The following ANO4 variants were observed in gnomAD, a reference collection of about 807,000 sequenced individuals.
ANO4 encodes anoctamin 4.
In ANO4, 69 loss-of-function variants were observed where a neutral mutation model predicts 141.9. That is an observed-to-expected ratio of 0.49 (90% CI 0.40 to 0.59). ANO4 has a LOEUF of 0.59. Among genes scored for constraint, ANO4 ranks in the 20% least tolerant of loss-of-function variants. ANO4 has a pLI of 0.00. For synonymous variants in ANO4, 350 were observed against 394.3 expected (o/e 0.89, Z 1.33); for missense variants, 894 against 1,162.2 (o/e 0.77, Z 3.36).
chr12:101,090,742 TAAAAA>T (rs946691985), intron 17 of ANO4, among the ~76,000 whole-genome samples: 1 of 150,552 alleles, frequency 6.6e-6, no homozygotes, highest in Non-Finnish European at 1.5e-5. Context: ...GAACTTAAAT[TAAAAA>T]AAAAGAAAGA....
chr12:101,033,694 G>A (rs954656890), intron 9 of ANO4, among the ~76,000 whole-genome samples: 80 of 152,242 alleles, frequency 5.3e-4, no homozygotes, highest in African/African-American at 1.6e-3. Flanking sequence ...TATCATCAGA[G>A]TGAACAGACA....
chr12:100,802,281 C>T (rs977007490), intron 1 of ANO4, among the ~76,000 whole-genome samples: 13 of 152,130 alleles, frequency 8.5e-5, no homozygotes, highest in African/African-American at 2.7e-4. Flanking sequence ...GTGAGATATG[C>T]ATGTGTAAGT....
intron 7 of ANO4, 49 bp from the exon 8 acceptor site, chr12:100,987,490 G>A (rs1308488120): frequency 1.9e-6 from 3 of 1,595,510 alleles, no homozygotes; most frequent in African/African-American, 1.3e-5. Context: ...GTGTTTCAGG[G>A]CATTGCTGAC....
At chr12:101,013,557 G>A (rs147300537) in intron 8 of ANO4, among the ~76,000 whole-genome samples, 31 of 152,182 alleles carry the variant, frequency 2.0e-4, no homozygotes, top group Non-Finnish European at 3.7e-4. Context: ...GGAGGCAGTG[G>A]GTGTGCCACA....
intron 1 of ANO4, among the ~76,000 whole-genome samples, chr12:100,731,675 G>A (rs2031386635): frequency 6.6e-6 from 1 of 152,066 alleles, no homozygotes; most frequent in African/African-American, 2.4e-5. Context: ...CTGACCCCTG[G>A]CAACCACTAA....
intron 1 of ANO4, among the ~76,000 whole-genome samples, chr12:100,874,942 G>T (rs966973225): frequency 6.6e-6 from 1 of 152,128 alleles, no homozygotes; most frequent in East Asian, 1.9e-4. Context: ...ATTGTATCTT[G>T]AAAGTAACTA....
At chr12:101,052,092 T>A (rs560903789) in intron 14 of ANO4, among the ~76,000 whole-genome samples, 2 of 152,326 alleles carry the variant, frequency 1.3e-5, no homozygotes, top group South Asian at 4.1e-4. Flanking sequence ...GACGTGTTCA[T>A]TTTGTTACCT....
At chr12:100,823,135 AC>A (rs1218006291) in intron 1 of ANO4, among the ~76,000 whole-genome samples, 3 of 152,054 alleles carry the variant, frequency 2.0e-5, no homozygotes, top group Non-Finnish European at 4.4e-5. Flanking sequence ...CATCTTTGCC[AC>A]CTTCTCCCTG....
At chr12:100,829,797 G>A (rs1432277425) in intron 1 of ANO4, among the ~76,000 whole-genome samples, 1 of 152,030 alleles carries the variant, frequency 6.6e-6, no homozygotes, top group Admixed American at 6.6e-5. Flanking sequence ...TCTTTGGCTT[G>A]ATAAATGCCA....
chr12:101,117,761 T>TAATC (rs1195260580), intron 25 of ANO4, among the ~76,000 whole-genome samples: 1 of 152,190 alleles, frequency 6.6e-6, no homozygotes, highest in African/African-American at 2.4e-5. Flanking sequence ...GTTCTCCCTG[T>TAATC]AATCAAAGCC....
At chr12:100,983,145 C>T (rs1239621812) in intron 7 of ANO4, among the ~76,000 whole-genome samples, 1 of 152,278 alleles carries the variant, frequency 6.6e-6, no homozygotes, top group East Asian at 1.9e-4. Context: ...ACTAGGGGAG[C>T]ACTCACTCAT....
intron 16 of ANO4, among the ~76,000 whole-genome samples, chr12:101,085,442 T>C (rs2049452122): frequency 6.6e-6 from 1 of 152,184 alleles, no homozygotes; most frequent in South Asian, 2.1e-4. Flanking sequence ...TCCTAAACAA[T>C]ACAGTATAAC....
At chr12:100,773,282 A>T (rs2033373102) in intron 3 of ANO4, among the ~76,000 whole-genome samples, 1 of 152,202 alleles carries the variant, frequency 6.6e-6, no homozygotes, top group Non-Finnish European at 1.5e-5. Flanking sequence ...TTCAAATACC[A>T]TCACCTTAGG....
intron 5 of ANO4, among the ~76,000 whole-genome samples, chr12:100,942,816 G>T (rs895972345): frequency 6.6e-6 from 1 of 152,118 alleles, no homozygotes; most frequent in African/African-American, 2.4e-5. Context: ...TCCTACGTCT[G>T]CCATTTCTCT....
chr12:100,865,424 C>T (rs2038704234), intron 1 of ANO4, among the ~76,000 whole-genome samples: 1 of 152,030 alleles, frequency 6.6e-6, no homozygotes, highest in Non-Finnish European at 1.5e-5. Context: ...TGACAAAGGG[C>T]TAATATCTAT....
intron 7 of ANO4, 32 bp downstream of exon 7, chr12:100,974,921 G>A: frequency 6.2e-7 from 1 of 1,612,654 alleles, no homozygotes; most frequent in Non-Finnish European, 8.5e-7. Flanking sequence ...GACAGTGTTT[G>A]TCTTTCTGTT....
chr12:101,041,531 G>A (rs1385045743), intron 11 of ANO4, among the ~76,000 whole-genome samples: 1 of 152,126 alleles, frequency 6.6e-6, no homozygotes, highest in Non-Finnish European at 1.5e-5. Flanking sequence ...TTAAGATTTT[G>A]CGGTTTTGGT....
intron 5 of ANO4, among the ~76,000 whole-genome samples, chr12:100,953,582 G>C (rs755320136): frequency 2.6e-5 from 4 of 152,134 alleles, no homozygotes; most frequent in Non-Finnish European, 5.9e-5. Context: ...TCAAATGTCT[G>C]ATGAATATCT....
intron 14 of ANO4, chr12:101,068,571 G>T (rs1282721768): frequency 1.4e-6 from 2 of 1,382,876 alleles, no homozygotes; most frequent in Non-Finnish European, 2.1e-6. Flanking sequence ...GAGATGTTTG[G>T]TGGCTTCTTC....
Sources: gnomAD v4.1 joint callset for allele counts (sites outside exome capture counted in the v4.1 genomes callset) on GRCh38, gnomAD v4.1.1 for gene constraint, MANE v1.5 for transcripts, NCBI Gene and HGNC (gene_info 2026-07-23, HGNC 2026-07-21) for gene names.